Variants in NXPH1 observed in about 807,000 individuals in gnomAD.
NXPH1 encodes neurexophilin-1.
A neutral mutation model predicts 23.7 loss-of-function variants in NXPH1; 5 were observed. The observed-to-expected ratio is 0.21, with a 90% CI of 0.11 to 0.44. NXPH1 has a LOEUF of 0.44. NXPH1 is among the 20% of genes least tolerant of loss of function. The pLI, the probability that NXPH1 is intolerant of heterozygous loss-of-function variation, is 0.99. For missense variants in NXPH1, 324 were observed against 321.6 expected (o/e 1.01, Z -0.06); for synonymous variants, 144 against 122.2 (o/e 1.18, Z -1.18).
At chr7:8,499,567 A>T (rs558582064) in intron 2 of NXPH1, among the ~76,000 whole-genome samples, 1 of 152,112 alleles carries the variant, frequency 6.6e-6, no homozygotes, top group South Asian at 2.1e-4. Flanking sequence ...GTGCAAAAAT[A>T]AGGGTACAAG....
At chr7:8,614,487 G>T (rs1032651750) in intron 2 of NXPH1, among the ~76,000 whole-genome samples, 18 of 151,714 alleles carry the variant, frequency 1.2e-4, no homozygotes, top group African/African-American at 3.4e-4. Context: ...TTATGCATAT[G>T]TCTATAGATA....
intron 2 of NXPH1, among the ~76,000 whole-genome samples, chr7:8,718,192 A>C (rs1024174379): frequency 6.6e-6 from 1 of 152,178 alleles, no homozygotes; most frequent in African/African-American, 2.4e-5. Context: ...TTCTTTGAAC[A>C]TATTATATGT....
intron 2 of NXPH1, among the ~76,000 whole-genome samples, chr7:8,522,446 C>T (rs758325893): frequency 6.6e-6 from 1 of 152,102 alleles, no homozygotes; most frequent in Non-Finnish European, 1.5e-5. Context: ...GAAAATGGAT[C>T]TAATTTGTTT....
rs886437342 is a variant in NXPH1 at position 8,601,994 on chromosome 7, C to A, written c.55-149014C>A. On this transcript the variant is annotated intron_variant, in intron 2 of 2. Coordinates refer to ENST00000405863, the MANE Select transcript of NXPH1 (RefSeq NM_152745.3). ...TATGACTTTCAATTTTCTTTTGCCT[C>A]CAATCTCTTATATATATGTTATAGT... Among the ~76,000 whole-genome samples, 7 of 152,170 alleles carry A rather than the reference C, an allele frequency of 4.6e-5. No homozygotes were observed. In the East Asian group the frequency reaches 1.2e-3, roughly 25 times the overall value.
intron 2 of NXPH1, among the ~76,000 whole-genome samples, chr7:8,535,182 A>C (rs1042950979): frequency 4.6e-5 from 7 of 152,080 alleles, no homozygotes; most frequent in African/African-American, 1.4e-4. Flanking sequence ...ATCTGAATCA[A>C]ATTATGCATT....
chr7:8,530,888 G>A (rs1817940360), intron 2 of NXPH1, among the ~76,000 whole-genome samples: 1 of 152,072 alleles, frequency 6.6e-6, no homozygotes, highest in African/African-American at 2.4e-5. Context: ...GAAGGGAGGG[G>A]GTTAAATTAT....
intron 2 of NXPH1, among the ~76,000 whole-genome samples, chr7:8,601,207 T>C (rs544549352): frequency 3.9e-4 from 59 of 152,108 alleles, no homozygotes; most frequent in Non-Finnish European, 6.8e-4. Flanking sequence ...CTGAGCCTTA[T>C]GCAATTAGTT....
At chr7:8,532,530 C>G (rs1027050097) in intron 2 of NXPH1, among the ~76,000 whole-genome samples, 1 of 151,536 alleles carries the variant, frequency 6.6e-6, no homozygotes, top group Admixed American at 6.6e-5. Context: ...TTTTGAGCTT[C>G]CACTGCGGTT....
intron 2 of NXPH1, among the ~76,000 whole-genome samples, chr7:8,575,392 A>C (rs1182651236): frequency 6.6e-6 from 1 of 152,126 alleles, no homozygotes; most frequent in Non-Finnish European, 1.5e-5. Context: ...TGGGAAGAAA[A>C]CTCATTAAAA....
At chr7:8,468,341 C>T (rs1432386393) in intron 2 of NXPH1, among the ~76,000 whole-genome samples, 1 of 152,022 alleles carries the variant, frequency 6.6e-6, no homozygotes, top group Non-Finnish European at 1.5e-5. Context: ...GATTTAAACC[C>T]AGTTCAGAAA....
At chr7:8,575,534 A>C (rs1458530386) in intron 2 of NXPH1, among the ~76,000 whole-genome samples, 1 of 152,194 alleles carries the variant, frequency 6.6e-6, no homozygotes, top group African/African-American at 2.4e-5. Flanking sequence ...ACCTACAGTC[A>C]ATGCTGTTGC....
At chr7:8,619,695 A>T (rs987606817) in intron 2 of NXPH1, among the ~76,000 whole-genome samples, 3 of 152,220 alleles carry the variant, frequency 2.0e-5, no homozygotes, top group Admixed American at 1.3e-4. Flanking sequence ...TCTCCAGCGT[A>T]TTTTTTAAGT....
At chr7:8,680,657 T>G (rs17153659) in intron 2 of NXPH1, among the ~76,000 whole-genome samples, 4,517 of 152,308 alleles carry the variant, frequency 0.03, 203 homozygotes, top group African/African-American at 0.097. Flanking sequence ...ACACTTGTGC[T>G]TAGTGACTAA....
At chr7:8,719,830 G>A (rs1429317743) in intron 2 of NXPH1, among the ~76,000 whole-genome samples, 1 of 151,960 alleles carries the variant, frequency 6.6e-6, no homozygotes, top group Non-Finnish European at 1.5e-5. Flanking sequence ...GATTATTAAT[G>A]AGTAAAAATA....
Position 8,748,567 on chromosome 7 carries a change from T to C in NXPH1, c.55-2441T>C, listed in dbSNP as rs537592587. ...CCCTGACAATAGTCCAGAGACTGAT[T>C]CTCCATTGGTCAGTGTTATCTATTC... On this transcript the variant is annotated intron_variant, in intron 2 of 2. Transcript: ENST00000405863. 2.5e-4 allele frequency among the ~76,000 whole-genome samples: 38 copies of C among 152,334 alleles called. No individual in the cohort carries two copies. The South Asian group carries it at 7.5e-3, about 30-fold the overall frequency.
intron 2 of NXPH1, among the ~76,000 whole-genome samples, chr7:8,705,733 A>G (rs532258145): frequency 1.2e-4 from 18 of 152,176 alleles, no homozygotes; most frequent in African/African-American, 4.3e-4. Context: ...GACTATTGCA[A>G]AGATCACCAG....
chr7:8,656,877 A>G (rs1280006717), intron 2 of NXPH1, among the ~76,000 whole-genome samples: 2 of 152,162 alleles, frequency 1.3e-5, no homozygotes, highest in Non-Finnish European at 2.9e-5. Flanking sequence ...GTTTAAACTG[A>G]GGATTGTCTT....
chr7:8,625,198 C>T (rs545081277), intron 2 of NXPH1, among the ~76,000 whole-genome samples: 2 of 152,174 alleles, frequency 1.3e-5, no homozygotes, highest in East Asian at 1.9e-4. Flanking sequence ...TCAATAGATA[C>T]ATCCATATAG....
chr7:8,447,841 A>G (rs1260896736), intron 2 of NXPH1, among the ~76,000 whole-genome samples: 1 of 152,224 alleles, frequency 6.6e-6, no homozygotes, highest in Non-Finnish European at 1.5e-5. Context: ...TAAAAGTGTG[A>G]GAGGCTTTAA....
Sources: allele counts gnomAD v4.1 joint callset (sites outside exome capture counted in the v4.1 genomes callset), GRCh38; gene constraint gnomAD v4.1.1; transcripts MANE v1.5; gene names NCBI Gene and HGNC (gene_info 2026-07-23, HGNC 2026-07-21).